CCDC40: variants seen among roughly 807,000 people sequenced by gnomAD.
CCDC40 encodes the protein coiled-coil domain 40 molecular ruler complex subunit, also known as coiled-coil domain-containing protein 40.
CCDC40 carries 104 observed loss-of-function variants against 124.5 expected under a neutral mutation model. The ratio of observed to expected loss-of-function variants is 0.84; its 90% confidence interval spans 0.71 to 0.98. CCDC40 has a LOEUF of 0.98. Ranked by LOEUF, CCDC40 falls within the 50% of genes least tolerant of loss-of-function variation. CCDC40 has a pLI of 0.00. For missense variants in CCDC40, 1,463 were observed against 1,503.9 expected (o/e 0.97, Z 0.45); for synonymous variants, 580 against 602.9 (o/e 0.96, Z 0.56).
intron 18 of CCDC40, 36 bp from the exon 19 acceptor site, chr17:80,097,209 C>A (rs574088894): frequency 6.2e-7 from 1 of 1,612,508 alleles, no homozygotes. Context: ...AGTAGCCGGG[C>A]TGCAGGGGCC....
intron 1 of CCDC40, among the ~76,000 whole-genome samples, chr17:80,037,384 C>T (rs2037108123): frequency 6.6e-6 from 1 of 152,104 alleles, no homozygotes; most frequent in African/African-American, 2.4e-5. Context: ...ACCTTAGACA[C>T]ATCGGTATTG....
At chr17:80,073,842 C>T (rs1221602565) in intron 10 of CCDC40, among the ~76,000 whole-genome samples, 1 of 151,996 alleles carries the variant, frequency 6.6e-6, no homozygotes, top group Middle Eastern at 3.2e-3. Flanking sequence ...ATTGCAGGTG[C>T]CTGCCACCGT....
At chr17:80,069,242 CAG>C (rs2038128150) in intron 10 of CCDC40, among the ~76,000 whole-genome samples, 1 of 152,006 alleles carries the variant, frequency 6.6e-6, no homozygotes, top group South Asian at 2.1e-4. Context: ...CGTCCTTGGT[CAG>C]GGGGTTGCTG....
chr17:80,061,763 G>A (rs573031906), intron 9 of CCDC40, among the ~76,000 whole-genome samples: 2 of 152,174 alleles, frequency 1.3e-5, no homozygotes, highest in East Asian at 3.9e-4. Context: ...GGAGAGATGA[G>A]CCCTCCCTGC....
chr17:80,064,528 C>A (rs2037985463), intron 9 of CCDC40, among the ~76,000 whole-genome samples: 1 of 151,202 alleles, frequency 6.6e-6, no homozygotes, highest in Non-Finnish European at 1.5e-5. Flanking sequence ...GGTGCCGCTC[C>A]TGTACCCATG....
chr17:80,082,717 C>T (rs972693440), intron 12 of CCDC40, among the ~76,000 whole-genome samples: 2 of 152,134 alleles, frequency 1.3e-5, no homozygotes, highest in Admixed American at 6.5e-5. Context: ...TGTGAAGGAG[C>T]CCATCCAGCC....
chr17:80,048,558 A>G (rs374999580), intron 4 of CCDC40, 25 bp from the exon 5 acceptor site: 9 of 1,600,860 alleles, frequency 5.6e-6, no homozygotes, highest in East Asian at 2.2e-5. Flanking sequence ...CAGCTCCTCA[A>G]TGGTGTCGCT....
At chr17:80,055,761 C>T (rs959266236) in intron 7 of CCDC40, among the ~76,000 whole-genome samples, 6 of 151,690 alleles carry the variant, frequency 4.0e-5, no homozygotes, top group Non-Finnish European at 8.8e-5. Context: ...TTTTCCCCTT[C>T]CCCCACCCAG....
intron 3 of CCDC40, chr17:80,040,590 A>G (rs2037252332): frequency 2.8e-6 from 1 of 363,110 alleles, no homozygotes; most frequent in African/African-American, 2.1e-5. Flanking sequence ...GAGGTGGGAG[A>G]ATTGCTTGAA....
chr17:80,087,823 G>A lies in CCDC40; in HGVS notation c.2619+47G>A, dbSNP rs769619144. On this transcript the variant is annotated intron_variant, in intron 15 of 19. Transcript: ENST00000397545. This position sits in a 1 kb window ranked among gnomAD's most constrained non-coding sequence, Gnocchi z 4.5. The stretch of plus-strand genomic sequence containing the variant: ...CCCGGGGCTCAGGACGATGGAGGGC[G>A]GGGGTACGGTCCTTGCGGTGGGCGT... 9.5e-6 allele frequency: 15 copies of A among 1,577,502 alleles called. No individual in the cohort carries two copies. The highest frequency in any genetic ancestry group is 5.4e-5 in the African/African-American group (4 of 74,156).
intron 12 of CCDC40, among the ~76,000 whole-genome samples, chr17:80,083,450 C>T (rs879721698): frequency 2.6e-5 from 4 of 152,134 alleles, no homozygotes; most frequent in Non-Finnish European, 5.9e-5. Context: ...GCTCAGATGG[C>T]CCTGAGGAGG....
chr17:80,057,233 G>A (rs1440013235), intron 7 of CCDC40, among the ~76,000 whole-genome samples: 5 of 151,808 alleles, frequency 3.3e-5, no homozygotes, highest in East Asian at 2.0e-4. Context: ...GATTACGGAC[G>A]TGCACCAACA....
In CCDC40 at chr17:80,049,851, G is replaced by A; in HGVS notation, c.856-55G>A. 2.6e-6 allele frequency: 4 copies of A among 1,510,606 alleles called. No individual in the cohort carries two copies. In the South Asian group the frequency reaches 4.5e-5, roughly 17 times the overall value. The allele number at this position is 1,510,606 out of a possible 1,614,324, so 93.6% of individuals were successfully genotyped here. On this transcript the variant is annotated intron_variant, in intron 5 of 19. Transcript: ENST00000397545. ...TGTGGCCACCTGGGCTGAGCCCTGG[G>A]TCGGGCAGGAGGGTAACCAGAAAGG...
chr17:80,085,916 C>T (rs1008022806), intron 13 of CCDC40, 87 bp from the exon 14 acceptor site: 25 of 1,245,110 alleles, frequency 2.0e-5, no homozygotes, highest in Admixed American at 5.1e-5. Context: ...GTGATCCACC[C>T]GCCTCAGCCT....
intron 9 of CCDC40, among the ~76,000 whole-genome samples, chr17:80,059,791 C>A (rs1198673980): frequency 6.6e-6 from 1 of 152,066 alleles, no homozygotes; most frequent in Non-Finnish European, 1.5e-5. Flanking sequence ...AACTCCTGAC[C>A]TCAGGTGATC....
intron 17 of CCDC40, among the ~76,000 whole-genome samples, chr17:80,091,313 A>T (rs1210373816): frequency 1.3e-5 from 1 of 74,286 alleles, no homozygotes; most frequent in East Asian, 2.9e-4. Flanking sequence ...ACACACACAC[A>T]CACACACACA....
chr17:80,087,915 C>G lies in CCDC40; in HGVS notation c.2620-96C>G. The G allele has an allele frequency of 7.8e-7, 1 of 1,278,092 alleles. No individual in the cohort carries two copies. The allele number at this position is 1,278,092 out of a possible 1,614,324, so 79.2% of individuals were successfully genotyped here. A position where few individuals can be genotyped will look rare whatever the true frequency, so the allele number is the denominator to read the frequency against. On this transcript the variant is annotated intron_variant, in intron 15 of 19. Coordinates refer to ENST00000397545, the MANE Select transcript of CCDC40 (RefSeq NM_017950.4). The surrounding 1 kb of genome is among the most constrained non-coding windows in gnomAD (Gnocchi z 4.5). ...GTAGGGGTATTAGAAATCCAGCCTG[C>G]AGCCCTGCCCTCGGTGCCGGGATAG...
At chr17:80,043,836 A>G (rs2037347170) in intron 3 of CCDC40, among the ~76,000 whole-genome samples, 1 of 151,840 alleles carries the variant, frequency 6.6e-6, no homozygotes. Context: ...CCATATTTGT[A>G]GCTCCTTTCT....
In CCDC40 at chr17:80,081,940, T is replaced by TCAGG. The variant is rs1227802908; in HGVS notation, c.1872_1875dup (p.Arg626GlnfsTer49). ...CAAGCCATCCAGGGCGAGCTGGAGCTCAGGAGGAAGACGGATGCTGCCATC... is the reference window on the plus strand; with the variant it reads ...CAAGCCATCCAGGGCGAGCTGGAGCTCAGGCAGGAGGAAGACGGATGCTGCCATC... On this transcript the variant is annotated frameshift_variant, in exon 12 of 20. Coordinates refer to ENST00000397545, the MANE Select transcript of CCDC40 (RefSeq NM_017950.4). LOFTEE classifies it high-confidence loss of function. 6.2e-7 allele frequency: 1 copy of TCAGG among 1,613,704 alleles called. No homozygotes were observed. The highest frequency in any genetic ancestry group is 8.5e-7 in the Non-Finnish European group (1 of 1,179,928).
Sources: gnomAD v4.1 joint callset for allele counts (sites outside exome capture counted in the v4.1 genomes callset) on GRCh38, gnomAD v4.1.1 for gene constraint, Gnocchi (gnomAD v3.1) non-coding constraint, MANE v1.5 for transcripts, NCBI Gene and HGNC (gene_info 2026-07-23, HGNC 2026-07-21) for gene names.